FRMPD4: variants seen among roughly 807,000 people sequenced by gnomAD.
The protein encoded by FRMPD4 is FERM and PDZ domain-containing protein 4.
Under a neutral mutation model 94.1 loss-of-function variants are expected in FRMPD4, and 22 were observed. The ratio of observed to expected loss-of-function variants is 0.23; its 90% CI spans 0.17 to 0.33. FRMPD4 has a LOEUF of 0.33. Among genes scored for constraint, FRMPD4 ranks in the 10% least tolerant of loss-of-function variants. The pLI is 1.00. For synonymous variants in FRMPD4, 631 were observed against 548.6 expected (o/e 1.15, Z -2.10); for missense variants, 1,111 against 1,339.9 (o/e 0.83, Z 2.67).
intron 1 of FRMPD4, among the ~76,000 whole-genome samples, chrX:12,393,349 T>C (rs2056502427): frequency 8.9e-6 from 1 of 112,492 alleles, no homozygotes; most frequent in African/African-American, 3.2e-5. Flanking sequence ...CTTAGACATA[T>C]TTTCATCATC....
At chrX:12,161,521 C>T (rs1173226833) in intron 1 of FRMPD4, among the ~76,000 whole-genome samples, 1 of 111,768 alleles carries the variant, frequency 8.9e-6, no homozygotes, top group Non-Finnish European at 1.9e-5. Context: ...AGCATAACAA[C>T]CCAGTGGGAT....
At chrX:12,629,826 T>A (rs1229262059) in intron 4 of FRMPD4, among the ~76,000 whole-genome samples, 1 of 112,289 alleles carries the variant, frequency 8.9e-6, no homozygotes, top group Admixed American at 9.5e-5. Context: ...GGTCACTGTG[T>A]CAGATGCTGT....
intron 9 of FRMPD4, among the ~76,000 whole-genome samples, chrX:12,696,460 C>G (rs1284999030): frequency 9.1e-6 from 1 of 109,867 alleles, no homozygotes; most frequent in African/African-American, 3.3e-5. Flanking sequence ...ACAGTAAGAA[C>G]CAACTGACCT....
intron 3 of FRMPD4, among the ~76,000 whole-genome samples, chrX:11,992,157 T>G (rs1469575617): frequency 1.8e-5 from 2 of 110,964 alleles, no homozygotes. Flanking sequence ...AAAAAATCCC[T>G]TGTTAAAATC....
At chrX:12,452,191 A>G (rs2057280440) in intron 1 of FRMPD4, among the ~76,000 whole-genome samples, 1 of 111,636 alleles carries the variant, frequency 9.0e-6, no homozygotes, top group Admixed American at 9.5e-5. Flanking sequence ...GGATAAATAC[A>G]AATTGCTTAT....
chrX:12,210,075 C>A (rs961033102), intron 1 of FRMPD4, among the ~76,000 whole-genome samples: 2 of 111,545 alleles, frequency 1.8e-5, no homozygotes, highest in African/African-American at 6.5e-5. Flanking sequence ...TTTGTGTATA[C>A]CCTACTTCAC....
At chrX:12,294,691 A>G (rs1326840288) in intron 1 of FRMPD4, among the ~76,000 whole-genome samples, 2 of 111,592 alleles carry the variant, frequency 1.8e-5, no homozygotes, top group Admixed American at 9.5e-5. Context: ...CTCCCACACT[A>G]CAGAGTGTAC....
At chrX:11,985,153 A>T (rs2054421237) in intron 3 of FRMPD4, among the ~76,000 whole-genome samples, 1 of 111,650 alleles carries the variant, frequency 9.0e-6, no homozygotes, top group Non-Finnish European at 1.9e-5. Flanking sequence ...ACCAAAAATC[A>T]AGAGAGGAGA....
intron 1 of FRMPD4, among the ~76,000 whole-genome samples, chrX:12,416,322 G>C (rs1377996741): frequency 3.6e-5 from 4 of 111,057 alleles, no homozygotes; most frequent in African/African-American, 1.3e-4. Context: ...TTTGTTCTTA[G>C]AGGGGCATGG....
intron 1 of FRMPD4, among the ~76,000 whole-genome samples, chrX:12,345,071 T>C (rs973555620): frequency 1.8e-5 from 2 of 111,126 alleles, no homozygotes; most frequent in African/African-American, 6.6e-5. Flanking sequence ...GAAAGATGGA[T>C]GGATTGATGG....
chrX:12,317,198 T>A (rs943258994), intron 1 of FRMPD4, among the ~76,000 whole-genome samples: 1 of 111,748 alleles, frequency 8.9e-6, no homozygotes, highest in African/African-American at 3.3e-5. Flanking sequence ...GTCTCTTCAA[T>A]AAATGGTCCT....
Position 12,490,306 on chromosome X carries a change from C to G in FRMPD4, c.42-8374C>G, listed in dbSNP as rs764510431. ...CTTAAACACCTCTTAAAGGTCCCAT[C>G]ACCTCCCAATACCACTGCATTGGGG... is the stretch of plus-strand genomic sequence containing the variant. On this transcript the variant is annotated intron_variant, in intron 1 of 16. Transcript: ENST00000675598. 1.4e-4 allele frequency among the ~76,000 whole-genome samples: 15 copies of G among 110,752 alleles called. No homozygotes were observed. The East Asian group carries it at 4.3e-3, about 32-fold the overall frequency.
At chrX:12,089,461 C>A (rs745592287) in intron 3 of FRMPD4, among the ~76,000 whole-genome samples, 51 of 112,325 alleles carry the variant, frequency 4.5e-4, no homozygotes, top group Non-Finnish European at 2.8e-4. Flanking sequence ...TTGCTCTACT[C>A]TTTGCTCTAC....
At chrX:12,633,020 C>G (rs1004179350) in intron 4 of FRMPD4, among the ~76,000 whole-genome samples, 2 of 111,858 alleles carry the variant, frequency 1.8e-5, no homozygotes, top group Non-Finnish European at 3.8e-5. Context: ...GCAGCATACA[C>G]CAAATCCTTA....
At chrX:12,231,899 A>C (rs1175021450) in intron 1 of FRMPD4, among the ~76,000 whole-genome samples, 1 of 112,068 alleles carries the variant, frequency 8.9e-6, no homozygotes, top group East Asian at 2.8e-4. Flanking sequence ...TTCTAAGTGC[A>C]AACATTTGTG....
chrX:12,094,779 A>G (rs772707133), intron 3 of FRMPD4, among the ~76,000 whole-genome samples: 3 of 112,723 alleles, frequency 2.7e-5, no homozygotes, highest in African/African-American at 9.7e-5. Flanking sequence ...AACTGAAAGT[A>G]TATATGGAAA....
chrX:12,621,954 G>A (rs919242977), intron 4 of FRMPD4, among the ~76,000 whole-genome samples: 3 of 86,811 alleles, frequency 3.5e-5, no homozygotes, highest in African/African-American at 1.4e-4. Context: ...GAGAGAGAGA[G>A]AGAAAGAAAG....
rs1195606770 is a variant in FRMPD4 at position 12,317,602 on chromosome X, AACAAAAAAAAC to A, written c.41+178592_41+178602del. On this transcript the variant is annotated intron_variant, in intron 1 of 16. Coordinates refer to ENST00000675598, the MANE Select transcript of FRMPD4 (RefSeq NM_001368397.1). ...CTAAATAGCAAAAAAAAAAAAAAAAAACAAAAAAAACAAAAACCCAAGTAATCTGATTAAAA... is the reference window on the plus strand; with the variant it reads ...CTAAATAGCAAAAAAAAAAAAAAAAAAAAAACCCAAGTAATCTGATTAAAA... Among the ~76,000 whole-genome samples, 38 of 98,502 alleles carry A rather than the reference AACAAAAAAAAC, an allele frequency of 3.9e-4. 2 individuals carry two copies. Among genetic ancestry groups the A allele is most frequent in the African/African-American group, 1.7e-3 (38 of 22,871 alleles). The allele number at this position is 98,502 out of a possible 115,157, so 85.5% of individuals were successfully genotyped here.
intron 3 of FRMPD4, among the ~76,000 whole-genome samples, chrX:11,988,217 A>G (rs1215786020): frequency 3.6e-5 from 4 of 112,087 alleles, no homozygotes; most frequent in Non-Finnish European, 3.8e-5. Context: ...CCAAAACAGC[A>G]TGGTACTGGC....
Sources: gnomAD v4.1 joint callset for allele counts (sites outside exome capture counted in the v4.1 genomes callset) on GRCh38, gnomAD v4.1.1 for gene constraint, MANE v1.5 for transcripts, NCBI Gene and HGNC (gene_info 2026-07-23, HGNC 2026-07-21) for gene names.